Variants in SEMA3A observed in about 807,000 individuals in gnomAD.
SEMA3A encodes semaphorin 3A, also known as semaphorin-3A.
SEMA3A carries 29 observed loss-of-function variants against 97.9 expected under a neutral mutation model. The ratio of observed to expected loss-of-function variants is 0.30; its 90% CI spans 0.22 to 0.40. SEMA3A has a LOEUF of 0.40. SEMA3A is among the 10% of genes least tolerant of loss of function. The pLI is 1.00. For missense variants in SEMA3A, 763 were observed against 951.3 expected (o/e 0.80, Z 2.60); for synonymous variants, 321 against 323.7 (o/e 0.99, Z 0.09).
intron 6 of SEMA3A, among the ~76,000 whole-genome samples, chr7:84,044,832 G>C (rs1439562264): frequency 6.6e-6 from 1 of 151,978 alleles, no homozygotes; most frequent in Non-Finnish European, 1.5e-5. Context: ...TGCTGAAAAA[G>C]AGATAAAGAT....
At chr7:83,981,961 GCTTACAT>G (rs1189183449) in intron 13 of SEMA3A, among the ~76,000 whole-genome samples, 2 of 150,038 alleles carry the variant, frequency 1.3e-5, no homozygotes, top group East Asian at 3.9e-4. Context: ...AAATTTTGGT[GCTTACAT>G]TTGAAAAAAC....
chr7:84,485,338 C>T (rs1325368569), intron 1 of SEMA3A, among the ~76,000 whole-genome samples: 1 of 151,154 alleles, frequency 6.6e-6, no homozygotes, highest in Non-Finnish European at 1.5e-5. Context: ...CATGGGGTAG[C>T]TGAGAGCACA....
At position 84,151,615 on chromosome 7, in the gene SEMA3A, T is replaced by C. The variant is rs374629929; in HGVS notation, c.113-16664A>G. 4.0e-4 allele frequency among the ~76,000 whole-genome samples: 61 copies of C among 152,242 alleles called. No individual in the cohort carries two copies. The East Asian group carries it at 0.01, about 25-fold the overall frequency. ...TGAAGAGACCAAATCTACGTCTGAT[T>C]GGTGTACCTGAAAGTGATGGGGAGA... On this transcript the variant is annotated intron_variant, in intron 1 of 16. Transcript: ENST00000265362.
intron 3 of SEMA3A, among the ~76,000 whole-genome samples, chr7:84,118,722 G>T (rs952320917): frequency 2.6e-5 from 4 of 152,180 alleles, no homozygotes; most frequent in African/African-American, 7.2e-5. Context: ...GTGGGTCTCA[G>T]TTCTCCTTGC....
At chr7:84,440,294 A>C (rs1805240015) in intron 1 of SEMA3A, among the ~76,000 whole-genome samples, 1 of 152,160 alleles carries the variant, frequency 6.6e-6, no homozygotes, top group Admixed American at 6.5e-5. Flanking sequence ...TTAGCACAAA[A>C]GTAGCTACCA....
At chr7:84,120,947 G>GT (rs1391795513) in intron 3 of SEMA3A, among the ~76,000 whole-genome samples, 1 of 152,102 alleles carries the variant, frequency 6.6e-6, no homozygotes, top group Non-Finnish European at 1.5e-5. Context: ...AGAGGGTCAG[G>GT]TAATACCTAT....
At chr7:84,249,176 T>C (rs1799541378) in intron 3 of SEMA3A, among the ~76,000 whole-genome samples, 1 of 152,174 alleles carries the variant, frequency 6.6e-6, no homozygotes, top group Admixed American at 6.6e-5. Context: ...TTGCCCAGAA[T>C]CTAAAGTATC....
At chr7:84,230,952 T>C (rs921246688) in intron 3 of SEMA3A, among the ~76,000 whole-genome samples, 5 of 151,904 alleles carry the variant, frequency 3.3e-5, no homozygotes, top group East Asian at 3.9e-4. Flanking sequence ...GCATTTACAG[T>C]TTACCCCCCA....
intron 2 of SEMA3A, among the ~76,000 whole-genome samples, chr7:84,357,758 T>C (rs1802604416): frequency 6.6e-6 from 1 of 151,694 alleles, no homozygotes; most frequent in Admixed American, 6.6e-5. Context: ...ACCAACAGTG[T>C]AAAAGTGATC....
At chr7:84,020,690 T>C (rs973757670) in intron 6 of SEMA3A, among the ~76,000 whole-genome samples, 2 of 152,168 alleles carry the variant, frequency 1.3e-5, no homozygotes, top group Non-Finnish European at 2.9e-5. Flanking sequence ...GCAGGACTTC[T>C]TTTTCACTGC....
At chr7:84,270,547 T>A (rs1264182883) in intron 3 of SEMA3A, among the ~76,000 whole-genome samples, 2 of 147,816 alleles carry the variant, frequency 1.4e-5, no homozygotes, top group Non-Finnish European at 3.0e-5. Context: ...ATATATTATT[T>A]CATATATATA....
At position 84,467,525 on chromosome 7, in the gene SEMA3A, TAAA is replaced by T. The variant is rs56021863; in HGVS notation, c.-246+24932_-246+24934del. 3.0e-3 allele frequency among the ~76,000 whole-genome samples: 290 copies of T among 97,420 alleles called. 4 individuals are homozygous for T. Among genetic ancestry groups the T allele is most frequent in the African/African-American group, 8.8e-3 (225 of 25,518 alleles). 63.9% of individuals were successfully genotyped at this position (97,420 alleles called of 152,430 possible). Reference sequence around the variant, plus strand: ...CTGGGTGACAGAGCGAGACTCCTTCTAAAAAAAAAAAAAAAAAAAAAAAAAATT... The same window carrying T: ...CTGGGTGACAGAGCGAGACTCCTTCTAAAAAAAAAAAAAAAAAAAAAAATT... On this transcript the variant is annotated intron_variant, in intron 1 of 3. Coordinates refer to the SEMA3A transcript ENST00000424555.
chr7:83,992,657 A>G (rs1790011570), intron 12 of SEMA3A, among the ~76,000 whole-genome samples: 1 of 151,416 alleles, frequency 6.6e-6, no homozygotes, highest in African/African-American at 2.4e-5. Flanking sequence ...CCTGAGTTCT[A>G]GTTTGATTGC....
chr7:83,968,755 G>A (rs1399033100), intron 15 of SEMA3A, among the ~76,000 whole-genome samples: 1 of 147,490 alleles, frequency 6.8e-6, no homozygotes, highest in Non-Finnish European at 1.5e-5. Flanking sequence ...TTTAGACAGT[G>A]AAATATTTTT....
intron 2 of SEMA3A, among the ~76,000 whole-genome samples, chr7:84,342,715 T>G (rs1342932621): frequency 6.6e-6 from 1 of 152,236 alleles, no homozygotes; most frequent in East Asian, 1.9e-4. Flanking sequence ...TTGCTAATAG[T>G]ATTCTTAAAA....
intron 1 of SEMA3A, among the ~76,000 whole-genome samples, chr7:84,407,123 A>G (rs991532741): frequency 1.3e-5 from 2 of 152,216 alleles, no homozygotes; most frequent in African/African-American, 4.8e-5. Flanking sequence ...CCCTGTTTGC[A>G]GATGACATGA....
chr7:84,362,475 T>C (rs1264151966), intron 2 of SEMA3A, among the ~76,000 whole-genome samples: 6 of 152,014 alleles, frequency 3.9e-5, no homozygotes, highest in Non-Finnish European at 8.8e-5. Flanking sequence ...TCAGAGAGAT[T>C]CAGCACACTT....
chr7:84,349,649 T>C (rs903185856), intron 2 of SEMA3A, among the ~76,000 whole-genome samples: 2 of 151,880 alleles, frequency 1.3e-5, no homozygotes, highest in South Asian at 2.1e-4. Context: ...AAGAATAATG[T>C]CCCCCCTACT....
chr7:84,233,119 C>T (rs10264700), intron 3 of SEMA3A, among the ~76,000 whole-genome samples: 15,285 of 152,012 alleles, frequency 0.1, 1,126 homozygotes, highest in East Asian at 0.44. Context: ...AATGAATTAA[C>T]TTGTAACTTC....
Sources: gnomAD v4.1 joint callset for allele counts (sites outside exome capture counted in the v4.1 genomes callset) on GRCh38, gnomAD v4.1.1 for gene constraint, MANE v1.5 for transcripts, NCBI Gene and HGNC (gene_info 2026-07-23, HGNC 2026-07-21) for gene names.